Variants in HPCAL1 observed in about 807,000 individuals in gnomAD.
HPCAL1 encodes the protein hippocalcin-like protein 1.
A neutral mutation model predicts 17.1 loss-of-function variants in HPCAL1; 8 were observed. The observed-to-expected ratio is 0.47, with a 90% CI of 0.27 to 0.84. The LOEUF (loss-of-function observed/expected upper bound fraction) is 0.84, where lower values mean the gene tolerates loss of function less well. Among genes scored for constraint, HPCAL1 ranks in the 40% least tolerant of loss-of-function variants. The pLI, the probability that HPCAL1 is intolerant of heterozygous loss-of-function variation, is 0.13. For missense variants in HPCAL1, 165 were observed against 271.1 expected (o/e 0.61, Z 2.75); for synonymous variants, 112 against 111.4 (o/e 1.01, Z -0.03).
At chr2:10,403,649 A>C (rs1267455717) in intron 2 of HPCAL1, among the ~76,000 whole-genome samples, 2 of 151,838 alleles carry the variant, frequency 1.3e-5, no homozygotes, top group Non-Finnish European at 2.9e-5. Context: ...TGCCTGGCTA[A>C]TTTTTGTATT....
Position 10,331,698 on chromosome 2 carries a change from G to A in HPCAL1, c.-111+28521G>A, listed in dbSNP as rs74788963. Among the ~76,000 whole-genome samples, 3 of 152,148 alleles carry A rather than the reference G, an allele frequency of 2.0e-5. No homozygotes were observed. The highest frequency in any genetic ancestry group is 2.4e-5 in the African/African-American group (1 of 41,500). On this transcript the variant is annotated intron_variant, in intron 1 of 4. Transcript: ENST00000307845. This position sits in a 1 kb window ranked among gnomAD's most constrained non-coding sequence, Gnocchi z 5.0. ...GTCAGAGGCATCTGTCTCTTCCCCC[G>A]CATGCATCTTTCTCCCCGTCTGGCA...
Position 10,344,766 on chromosome 2 carries a change from T to C in HPCAL1, c.-111+41589T>C, listed in dbSNP as rs773925428. Among the ~76,000 whole-genome samples, 5 of 152,170 alleles carry C rather than the reference T, an allele frequency of 3.3e-5. No individual in the cohort carries two copies. Among genetic ancestry groups the C allele is most frequent in the Non-Finnish European group, 7.3e-5 (5 of 68,038 alleles). On this transcript the variant is annotated intron_variant, in intron 1 of 4. Coordinates refer to ENST00000307845, the MANE Select transcript of HPCAL1 (RefSeq NM_002149.4). This position sits in a 1 kb window ranked among gnomAD's most constrained non-coding sequence, Gnocchi z 4.9. ...CTGTTTCTCTCTCCCTCTTTCTGTG[T>C]GTGTCTCTCTCTGTGCCTGACTTTC...
intron 1 of HPCAL1, among the ~76,000 whole-genome samples, 189 bp downstream of exon 1, chr2:10,303,366 CT>C (rs1425209937): frequency 6.6e-6 from 1 of 152,168 alleles, no homozygotes; most frequent in East Asian, 1.9e-4. Flanking sequence ...GGTGGTGTGT[CT>C]TTCGAATGGC....
At chr2:10,389,004 G>T (rs553475895) in intron 1 of HPCAL1, among the ~76,000 whole-genome samples, 35 of 152,242 alleles carry the variant, frequency 2.3e-4, no homozygotes, top group African/African-American at 7.9e-4. Context: ...AGAAGGTGAC[G>T]TAGGAGGCGG....
At chr2:10,415,468 G>A (rs1350276461) in intron 2 of HPCAL1, among the ~76,000 whole-genome samples, 1 of 152,122 alleles carries the variant, frequency 6.6e-6, no homozygotes, top group African/African-American at 2.4e-5. Flanking sequence ...GTTCTCTGGG[G>A]CAGCCATCCA....
At chr2:10,346,037 G>GGT (rs948184707) in intron 1 of HPCAL1, among the ~76,000 whole-genome samples, 3 of 152,024 alleles carry the variant, frequency 2.0e-5, no homozygotes, top group Admixed American at 2.0e-4. Flanking sequence ...GTGCCCTGGG[G>GGT]GTGTGTGTGT....
At chr2:10,314,544 G>A (rs1663187501) in intron 1 of HPCAL1, among the ~76,000 whole-genome samples, 1 of 152,104 alleles carries the variant, frequency 6.6e-6, no homozygotes, top group Admixed American at 6.5e-5. Context: ...GTAGATCGGG[G>A]GCCTTATTTA....
chr2:10,316,830 T>C (rs1183732816), intron 1 of HPCAL1, among the ~76,000 whole-genome samples: 1 of 152,234 alleles, frequency 6.6e-6, no homozygotes, highest in East Asian at 1.9e-4. Context: ...CCCATCTTTA[T>C]AGTCTACTGT....
chr2:10,331,245 C>A lies in HPCAL1; in HGVS notation c.-111+28068C>A, dbSNP rs1362597823. 6.6e-6 allele frequency among the ~76,000 whole-genome samples: 1 copy of A among 152,162 alleles called. No individual in the cohort carries two copies. The highest frequency in any genetic ancestry group is 1.5e-5 in the Non-Finnish European group (1 of 68,008). On this transcript the variant is annotated intron_variant, in intron 1 of 4. Transcript: ENST00000307845. This position sits in a 1 kb window ranked among gnomAD's most constrained non-coding sequence, Gnocchi z 5.0. Reference sequence around the variant, plus strand: ...CCCCGGCCCAGCCACAGGGTGCTGGCTGCCTGTTACTCAGCACGTCCGCCT... The same window carrying A: ...CCCCGGCCCAGCCACAGGGTGCTGGATGCCTGTTACTCAGCACGTCCGCCT...
chr2:10,397,642 T>G (rs1669141500), intron 2 of HPCAL1, among the ~76,000 whole-genome samples: 2 of 152,148 alleles, frequency 1.3e-5, no homozygotes, highest in East Asian at 1.9e-4. Flanking sequence ...CTTAGGGGCT[T>G]TTTCCATCCG....
rs540260385 is a variant in HPCAL1 at position 10,419,697 on chromosome 2, C to T, written c.-24-37C>T. ...ACATGGCTCAGCCCTGCTCCGTGGC[C>T]GTGGGTGGCGTCCCCGGCTGACCCC... is the stretch of plus-strand genomic sequence containing the variant. On this transcript the variant is annotated intron_variant, in intron 2 of 4. Transcript: ENST00000307845. The surrounding 1 kb of genome is among the most constrained non-coding windows in gnomAD (Gnocchi z 5.0). 239 of 1,559,340 alleles carry T rather than the reference C, an allele frequency of 1.5e-4. 4 individuals carry two copies. In the South Asian group the frequency reaches 2.3e-3, roughly 15 times the overall value.
intron 1 of HPCAL1, among the ~76,000 whole-genome samples, chr2:10,348,721 A>G (rs1260777967): frequency 6.6e-6 from 1 of 151,168 alleles, no homozygotes; most frequent in East Asian, 2.0e-4. Context: ...TGAGGCTGCA[A>G]TGGGCTCTGA....
intron 1 of HPCAL1, among the ~76,000 whole-genome samples, chr2:10,345,441 A>G (rs1665373613): frequency 6.9e-6 from 1 of 145,394 alleles, no homozygotes; most frequent in Non-Finnish European, 1.5e-5. Flanking sequence ...CTGTGGTACT[A>G]TTTATTATTT....
intron 1 of HPCAL1, among the ~76,000 whole-genome samples, chr2:10,313,875 G>A (rs777391882): frequency 6.6e-6 from 1 of 152,250 alleles, no homozygotes; most frequent in Non-Finnish European, 1.5e-5. Flanking sequence ...GCTCATGCCT[G>A]TAATCCCAGC....
chr2:10,376,067 C>T (rs1380255958), intron 1 of HPCAL1, among the ~76,000 whole-genome samples: 5 of 152,084 alleles, frequency 3.3e-5, no homozygotes, highest in African/African-American at 1.2e-4. Context: ...GAGTGTGTCA[C>T]CTCCCTATTC....
chr2:10,419,723 C>T lies in HPCAL1; in HGVS notation c.-24-11C>T, dbSNP rs768317659. 252 of 1,584,930 alleles carry T rather than the reference C, an allele frequency of 1.6e-4. No homozygotes were observed. Among genetic ancestry groups the T allele is most frequent in the Non-Finnish European group, 2.0e-4 (233 of 1,164,962 alleles). ...GTGGGTGGCGTCCCCGGCTGACCCC[C>T]TGTCTTGCAGGTGTAGTCGCCGCCG... On this transcript the variant is annotated splice_polypyrimidine_tract_variant and intron_variant, in intron 2 of 4. Transcript: ENST00000307845. This position sits in a 1 kb window ranked among gnomAD's most constrained non-coding sequence, Gnocchi z 5.0.
chr2:10,336,820 C>T (rs1332885189), intron 1 of HPCAL1, among the ~76,000 whole-genome samples: 2 of 152,248 alleles, frequency 1.3e-5, no homozygotes, highest in East Asian at 3.8e-4. Flanking sequence ...TCATAGCTCA[C>T]TGCAGCCCCG....
In HPCAL1 at chr2:10,419,631, G is replaced by A. The variant is rs1348800534; in HGVS notation, c.-24-103G>A. The A allele has an allele frequency of 4.3e-6, 5 of 1,153,190 alleles. No homozygotes were observed. The highest frequency in any genetic ancestry group is 3.1e-5 in the African/African-American group (2 of 64,564). The allele number at this position is 1,153,190 out of a possible 1,614,324, so 71.4% of individuals were successfully genotyped here. On this transcript the variant is annotated intron_variant, in intron 2 of 4. Coordinates refer to ENST00000307845, the MANE Select transcript of HPCAL1 (RefSeq NM_002149.4). The surrounding 1 kb of genome is among the most constrained non-coding windows in gnomAD (Gnocchi z 5.0). ...TGGGGGACCCGGGAGTTGCTGAGTCGCAGCGCTTGCACAGCGATGGGCTTA... is the reference window on the plus strand; with the variant it reads ...TGGGGGACCCGGGAGTTGCTGAGTCACAGCGCTTGCACAGCGATGGGCTTA...
At position 10,304,682 on chromosome 2, in the gene HPCAL1, G is replaced by C. The variant is rs1662504783; in HGVS notation, c.-111+1505G>C. On this transcript the variant is annotated intron_variant, in intron 1 of 4. Coordinates refer to ENST00000307845, the MANE Select transcript of HPCAL1 (RefSeq NM_002149.4). This position sits in a 1 kb window ranked among gnomAD's most constrained non-coding sequence, Gnocchi z 4.1. ...ACTCTCTGGAGAGTTCTGGCGCCTC[G>C]GCGCTGGCTCGGACGCAGCAAGGCC... Among the ~76,000 whole-genome samples the C allele has an allele frequency of 6.6e-6, 1 of 152,344 alleles. No homozygotes were observed. Among genetic ancestry groups the C allele is most frequent in the East Asian group, 1.9e-4 (1 of 5,178 alleles).
Sources: allele counts gnomAD v4.1 joint callset (sites outside exome capture counted in the v4.1 genomes callset), GRCh38; gene constraint gnomAD v4.1.1; non-coding constraint Gnocchi (gnomAD v3.1); transcripts MANE v1.5; gene names NCBI Gene and HGNC (gene_info 2026-07-23, HGNC 2026-07-21).